Variants in TRPM3 observed in about 807,000 individuals in gnomAD.
TRPM3 encodes transient receptor potential cation channel subfamily M member 3.
In TRPM3, 77 loss-of-function variants were observed where a neutral mutation model predicts 181.2. The ratio of observed to expected loss-of-function variants is 0.42; its 90% CI spans 0.35 to 0.51. TRPM3 has a LOEUF of 0.51. TRPM3 is among the 20% of genes least tolerant of loss of function. The probability of loss-of-function intolerance (pLI) is 0.01; values close to 1 mark genes in which losing one functional copy is unlikely to be tolerated. For synonymous variants in TRPM3, 745 were observed against 796.4 expected, an observed-to-expected ratio of 0.94 and a Z score of 1.09; for missense variants, 1,759 against 2,196.7, an observed-to-expected ratio of 0.80 and a Z score of 3.98.
chr9:70,630,530 C>A (rs752316519), intron 12 of TRPM3, among the ~76,000 whole-genome samples: 1 of 152,184 alleles, frequency 6.6e-6, no homozygotes, highest in Non-Finnish European at 1.5e-5. Flanking sequence ...ACCTCACATG[C>A]CAACAGGTAA....
intron 1 of TRPM3, among the ~76,000 whole-genome samples, chr9:71,434,009 A>T (rs7851419): frequency 0.089 from 13,492 of 152,046 alleles, 837 homozygotes; most frequent in African/African-American, 0.17. Flanking sequence ...TACGAAAAAA[A>T]TTAGCCAGGC....
At chr9:70,922,433 T>C (rs887211839) in intron 1 of TRPM3, among the ~76,000 whole-genome samples, 3 of 152,172 alleles carry the variant, frequency 2.0e-5, no homozygotes, top group African/African-American at 7.2e-5. Context: ...CTAAACATTA[T>C]TGAATTGCAC....
chr9:70,956,296 C>CTTTTTTTTTTTTT (rs537484746), intron 1 of TRPM3, among the ~76,000 whole-genome samples: 2 of 97,140 alleles, frequency 2.1e-5, no homozygotes, highest in Non-Finnish European at 1.9e-5. Context: ...AGAAATACAC[C>CTTTTTTTTTTTTT]TTTTTTTTTT....
At chr9:71,427,437 T>C (rs10869019) in intron 1 of TRPM3, among the ~76,000 whole-genome samples, 23,349 of 151,966 alleles carry the variant, frequency 0.15, 2,222 homozygotes, top group African/African-American at 0.27. Context: ...TATGCTAACA[T>C]CGAGAACCAC....
chr9:70,683,071 C>T (rs188515577), intron 8 of TRPM3, among the ~76,000 whole-genome samples: 312 of 152,254 alleles, frequency 2.0e-3, no homozygotes, highest in African/African-American at 7.2e-3. Flanking sequence ...GAATAACTCT[C>T]ACCTTTATAA....
chr9:70,671,005 T>C lies in TRPM3; in HGVS notation c.1345+10501A>G, dbSNP rs1173112979. On this transcript the variant is annotated intron_variant, in intron 9 of 25. Coordinates refer to ENST00000677713, the MANE Select transcript of TRPM3 (RefSeq NM_001366145.2). ...ATCATCCATTCAGAAGTTACAAATA[T>C]ATATTGAATTCCGACTCTATGCCAG... Among the ~76,000 whole-genome samples, 17 of 152,148 alleles carry C rather than the reference T, an allele frequency of 1.1e-4. 1 individual carries two copies.
intron 1 of TRPM3, among the ~76,000 whole-genome samples, chr9:71,035,666 G>A (rs1437689031): frequency 7.2e-5 from 11 of 152,148 alleles, no homozygotes; most frequent in East Asian, 5.8e-4. Context: ...GCAGTGAGCC[G>A]ATATTGTGCC....
intron 6 of TRPM3, among the ~76,000 whole-genome samples, chr9:70,785,085 A>C (rs964567120): frequency 6.6e-6 from 1 of 151,628 alleles, no homozygotes; most frequent in Non-Finnish European, 1.5e-5. Context: ...TACCCAGGAG[A>C]TATGGTATCT....
chr9:70,581,946 T>TCC (rs2055852719), intron 22 of TRPM3, among the ~76,000 whole-genome samples: 4 of 122,928 alleles, frequency 3.3e-5, no homozygotes, highest in Non-Finnish European at 5.5e-5. Context: ...CTTTTTTCCT[T>TCC]GTCTTCTCCT....
intron 2 of TRPM3, 50 bp from the exon 3 acceptor site, chr9:70,863,162 A>G (rs2095563040): frequency 2.0e-6 from 3 of 1,534,802 alleles, no homozygotes; most frequent in Non-Finnish European, 2.7e-6. Flanking sequence ...CACTATTGGG[A>G]TACACACTTA....
intron 1 of TRPM3, among the ~76,000 whole-genome samples, chr9:71,076,150 A>T (rs908933050): frequency 1.3e-5 from 2 of 152,204 alleles, no homozygotes; most frequent in Non-Finnish European, 2.9e-5. Context: ...CTGCTCACAC[A>T]GGCTCAGGAG....
intron 1 of TRPM3, among the ~76,000 whole-genome samples, chr9:71,254,077 G>C (rs1430975431): frequency 6.6e-6 from 1 of 152,048 alleles, no homozygotes; most frequent in Non-Finnish European, 1.5e-5. Context: ...CTGCCACCAT[G>C]CCCGGCTAAT....
chr9:71,235,205 C>A, intron 1 of TRPM3, among the ~76,000 whole-genome samples: 1 of 152,220 alleles, frequency 6.6e-6, no homozygotes, highest in East Asian at 1.9e-4. Flanking sequence ...ACTAACTCAC[C>A]TATTCAGGAC....
chr9:71,302,369 T>G (rs990049043), intron 1 of TRPM3, among the ~76,000 whole-genome samples: 1 of 152,148 alleles, frequency 6.6e-6, no homozygotes, highest in African/African-American at 2.4e-5. Context: ...ACTACCTAAT[T>G]GATATGAAAG....
chr9:70,940,418 C>A (rs927118699), intron 1 of TRPM3, among the ~76,000 whole-genome samples: 22 of 152,110 alleles, frequency 1.4e-4, no homozygotes, highest in African/African-American at 5.3e-4. Context: ...ATGCAAGTAT[C>A]AGGAGAATCA....
chr9:70,879,212 A>G (rs1265908516), intron 1 of TRPM3, among the ~76,000 whole-genome samples: 1 of 152,104 alleles, frequency 6.6e-6, no homozygotes, highest in Non-Finnish European at 1.5e-5. Flanking sequence ...TACACATGCC[A>G]GGCATGCTGA....
chr9:71,080,799 T>G (rs2064189249), intron 1 of TRPM3, among the ~76,000 whole-genome samples: 1 of 152,142 alleles, frequency 6.6e-6, no homozygotes, highest in African/African-American at 2.4e-5. Flanking sequence ...GAAAGAAACT[T>G]TTTTTCCCGC....
At chr9:70,987,672 A>T (rs1369478477) in intron 1 of TRPM3, among the ~76,000 whole-genome samples, 1 of 152,158 alleles carries the variant, frequency 6.6e-6, no homozygotes, top group Non-Finnish European at 1.5e-5. Context: ...TCATATACAT[A>T]CTATAAGATA....
At chr9:71,022,432 C>T (rs1464437262) in intron 1 of TRPM3, among the ~76,000 whole-genome samples, 3 of 152,122 alleles carry the variant, frequency 2.0e-5, no homozygotes, top group Non-Finnish European at 4.4e-5. Context: ...TGGTGGCTCA[C>T]ACCTGCAATC....
Sources: gnomAD v4.1 joint callset for allele counts (sites outside exome capture counted in the v4.1 genomes callset) on GRCh38, gnomAD v4.1.1 for gene constraint, MANE v1.5 for transcripts, NCBI Gene and HGNC (gene_info 2026-07-23, HGNC 2026-07-21) for gene names.